The following PHTF2 variants were observed in gnomAD, a reference collection of about 807,000 sequenced individuals.
PHTF2 encodes protein PHTF2.
In PHTF2, 60 loss-of-function variants were observed where a neutral mutation model predicts 101.2. That is an observed-to-expected ratio of 0.59 (90% CI 0.48 to 0.73). The LOEUF (loss-of-function observed/expected upper bound fraction) is 0.73, where lower values mean the gene tolerates loss of function less well. Ranked by LOEUF, PHTF2 falls within the 30% of genes least tolerant of loss-of-function variation. The pLI is 0.00. For missense variants in PHTF2, 747 were observed against 908.7 expected (o/e 0.82, Z 2.29); for synonymous variants, 311 against 307.3 (o/e 1.01, Z -0.13).
chr7:77,873,421 G>A (rs1170910938), intron 3 of PHTF2, among the ~76,000 whole-genome samples: 1 of 152,070 alleles, frequency 6.6e-6, no homozygotes, highest in Non-Finnish European at 1.5e-5. Flanking sequence ...TTCTTTTTGA[G>A]TTTAGTGCAC....
At chr7:77,939,607 A>AAT (rs1413631615) in intron 13 of PHTF2, among the ~76,000 whole-genome samples, 1 of 151,428 alleles carries the variant, frequency 6.6e-6, no homozygotes, top group African/African-American at 2.4e-5. Flanking sequence ...AAAAAAAAAA[A>AAT]AGAAAACAGA....
chr7:77,857,713 A>G (rs1009975101), intron 3 of PHTF2, among the ~76,000 whole-genome samples: 1 of 152,234 alleles, frequency 6.6e-6, no homozygotes, highest in Non-Finnish European at 1.5e-5. Flanking sequence ...TTTGGGTTTT[A>G]GAAAGCAGAG....
At chr7:77,932,812 G>T (rs774049102) in intron 12 of PHTF2, among the ~76,000 whole-genome samples, 1 of 152,012 alleles carries the variant, frequency 6.6e-6, no homozygotes, top group Admixed American at 6.6e-5. Flanking sequence ...CATTTAATAA[G>T]CATTTACTTA....
chr7:77,801,541 G>T (rs1792553771), intron 1 of PHTF2, among the ~76,000 whole-genome samples: 2 of 152,098 alleles, frequency 1.3e-5, no homozygotes, highest in Non-Finnish European at 2.9e-5. Flanking sequence ...AGCCGAGATC[G>T]CACCACTGCA....
chr7:77,813,047 C>T (rs1253458664), intron 1 of PHTF2, among the ~76,000 whole-genome samples: 1 of 152,166 alleles, frequency 6.6e-6, no homozygotes. Flanking sequence ...AGTAGTCATA[C>T]AGTAGTCATC....
chr7:77,926,453 C>T (rs1016044600), intron 11 of PHTF2, among the ~76,000 whole-genome samples: 1 of 152,038 alleles, frequency 6.6e-6, no homozygotes, highest in Non-Finnish European at 1.5e-5. Flanking sequence ...AAATAAACAG[C>T]CCTCCTCCCA....
intron 10 of PHTF2, among the ~76,000 whole-genome samples, chr7:77,920,800 G>C (rs985325231): frequency 1.3e-5 from 2 of 152,080 alleles, no homozygotes; most frequent in African/African-American, 4.8e-5. Context: ...TCCCACCTCA[G>C]CCTCCTGAGT....
chr7:77,839,122 G>A (rs1372667323), intron 1 of PHTF2, among the ~76,000 whole-genome samples: 2 of 152,166 alleles, frequency 1.3e-5, no homozygotes, highest in African/African-American at 4.8e-5. Context: ...TTGCAGATCT[G>A]TATGTGCTAG....
At chr7:77,819,214 G>A (rs1321664636) in intron 1 of PHTF2, among the ~76,000 whole-genome samples, 1 of 152,026 alleles carries the variant, frequency 6.6e-6, no homozygotes, top group Non-Finnish European at 1.5e-5. Context: ...TTTCAACTTG[G>A]TTGCCTATTA....
chr7:77,866,865 C>T (rs1340388489), intron 3 of PHTF2, among the ~76,000 whole-genome samples: 1 of 152,026 alleles, frequency 6.6e-6, no homozygotes, highest in Non-Finnish European at 1.5e-5. Flanking sequence ...ATGATTTAGT[C>T]AGGGTTATGT....
chr7:77,950,469 T>G (rs1806441839), intron 17 of PHTF2, among the ~76,000 whole-genome samples: 2 of 152,082 alleles, frequency 1.3e-5, no homozygotes, highest in Admixed American at 6.5e-5. Flanking sequence ...AAGACCAGCC[T>G]GGCCAACAAG....
intron 1 of PHTF2, among the ~76,000 whole-genome samples, chr7:77,818,596 A>G (rs956498827): frequency 6.6e-6 from 1 of 152,134 alleles, no homozygotes; most frequent in African/African-American, 2.4e-5. Flanking sequence ...TGGGTTCTCT[A>G]TTCTGTTCCA....
At chr7:77,930,381 AT>A (rs1804454831) in intron 12 of PHTF2, among the ~76,000 whole-genome samples, 1 of 152,154 alleles carries the variant, frequency 6.6e-6, no homozygotes. Context: ...GTCCTCCCTC[AT>A]AAATCTGTTT....
intron 9 of PHTF2, among the ~76,000 whole-genome samples, chr7:77,911,562 T>C (rs567702933): frequency 1.9e-4 from 29 of 152,360 alleles, no homozygotes; most frequent in African/African-American, 6.3e-4. Context: ...TGCAAATAAC[T>C]ATTCTGTCAC....
chr7:77,933,626 A>C (rs1368113878), intron 12 of PHTF2, among the ~76,000 whole-genome samples: 1 of 152,150 alleles, frequency 6.6e-6, no homozygotes. Flanking sequence ...CACTGAGACT[A>C]ACAACTGGAG....
rs34916341 is a variant in PHTF2, at chr7:77,882,356, T to TA, written c.148-11239dup. Among the ~76,000 whole-genome samples, 359 of 147,554 alleles carry TA rather than the reference T, an allele frequency of 2.4e-3. 1 individual carries two copies. The highest frequency in any genetic ancestry group is 7.1e-3 in the African/African-American group (288 of 40,598). ...CCCCCAACCAAAAGATTTCAAATCT[T>TA]AAAAAAAAAAAAATTTATTTCTTTT... On this transcript the variant is annotated intron_variant, in intron 3 of 19. Transcript: ENST00000416283.
chr7:77,804,606 G>GTTCC (rs1792828140), intron 1 of PHTF2, among the ~76,000 whole-genome samples: 1 of 152,176 alleles, frequency 6.6e-6, no homozygotes, highest in Non-Finnish European at 1.5e-5. Flanking sequence ...GATTACAGGC[G>GTTCC]TGAGCCACTA....
chr7:77,862,840 A>C (rs1310994509), intron 3 of PHTF2, among the ~76,000 whole-genome samples: 1 of 152,226 alleles, frequency 6.6e-6, no homozygotes, highest in African/African-American at 2.4e-5. Context: ...GCAGCCTAAA[A>C]TTAGGCAAAT....
intron 7 of PHTF2, among the ~76,000 whole-genome samples, chr7:77,903,083 T>G (rs889867310): frequency 6.6e-6 from 1 of 152,150 alleles, no homozygotes; most frequent in African/African-American, 2.4e-5. Context: ...TATGAACAGC[T>G]ACATTTTTTT....
Sources: gnomAD v4.1 joint callset for allele counts (sites outside exome capture counted in the v4.1 genomes callset) on GRCh38, gnomAD v4.1.1 for gene constraint, MANE v1.5 for transcripts, NCBI Gene and HGNC (gene_info 2026-07-23, HGNC 2026-07-21) for gene names.